TNRC6A: variants seen among roughly 807,000 people sequenced by gnomAD.
TNRC6A encodes trinucleotide repeat-containing gene 6A protein.
In TNRC6A, 44 loss-of-function variants were observed where a neutral mutation model predicts 221.2. That is an observed-to-expected ratio of 0.20 (90% CI 0.16 to 0.26). The LOEUF is 0.26. Ranked by LOEUF, TNRC6A falls within the 10% of genes least tolerant of loss-of-function variation. The pLI is 1.00. For missense variants in TNRC6A, 2,199 were observed against 2,404.4 expected (o/e 0.91, Z 1.79); for synonymous variants, 847 against 838.5 (o/e 1.01, Z -0.18).
chr16:24,820,143 A>G lies in TNRC6A; in HGVS notation c.5085A>G (p.Arg1695=). The G allele has an allele frequency of 6.2e-7, 1 of 1,614,150 alleles. No homozygotes were observed. The highest frequency in any genetic ancestry group is 8.5e-7 in the Non-Finnish European group (1 of 1,180,004). ...ATTTTTTCCCCCTTTGAGTAGCCAG[A>G]AATAGTGATTCCAAATTGACATGGT... The part of the protein sequence containing the change: ...LSSTAQSTSA[R]NSDSKLTWSP... Residue 1695 remains arginine, a synonymous_variant, in exon 22 of 25, where the codon AGA becomes AGG. Coordinates refer to ENST00000395799, the MANE Select transcript of TNRC6A (RefSeq NM_014494.4).
At chr16:24,730,136 TCCCCTC>T (rs1187944909) in intron 1 of TNRC6A, 111 bp from the exon 2 acceptor site, 1 of 468,922 alleles carries the variant, frequency 2.1e-6, no homozygotes, top group Non-Finnish European at 3.4e-6. Flanking sequence ...CCCCGTCCTC[TCCCCTC>T]CCCCATCCGG....
At chr16:24,724,178 A>G (rs919532690) in intron 2 of TNRC6A, among the ~76,000 whole-genome samples, 3 of 152,300 alleles carry the variant, frequency 2.0e-5, no homozygotes, top group Admixed American at 6.5e-5. Context: ...GGGGTATAGG[A>G]TATAATATGG....
intron 3 of TNRC6A, 58 bp from the exon 4 acceptor site, chr16:24,758,279 CAG>C: frequency 6.7e-7 from 1 of 1,498,712 alleles, no homozygotes; most frequent in Non-Finnish European, 9.3e-7. Context: ...TTTATCATAA[CAG>C]TCCATTTCTT....
intron 2 of TNRC6A, among the ~76,000 whole-genome samples, chr16:24,666,053 G>A (rs900460583): frequency 6.6e-6 from 1 of 152,186 alleles, no homozygotes; most frequent in African/African-American, 2.4e-5. Context: ...TGTGCCAGGA[G>A]CGGTGGATCA....
At chr16:24,667,561 G>T (rs2055198234) in intron 2 of TNRC6A, among the ~76,000 whole-genome samples, 1 of 152,154 alleles carries the variant, frequency 6.6e-6, no homozygotes, top group Non-Finnish European at 1.5e-5. Flanking sequence ...GAGGGGAGGA[G>T]AACTGTGGTC....
At chr16:24,697,427 G>C (rs556372017) in intron 2 of TNRC6A, among the ~76,000 whole-genome samples, 1 of 152,160 alleles carries the variant, frequency 6.6e-6, no homozygotes, top group Non-Finnish European at 1.5e-5. Context: ...GCTCACACCT[G>C]TAATCCCAGC....
intron 2 of TNRC6A, among the ~76,000 whole-genome samples, chr16:24,738,029 A>G (rs2056809215): frequency 6.6e-6 from 1 of 152,254 alleles, no homozygotes; most frequent in African/African-American, 2.4e-5. Flanking sequence ...TTACAAAGAT[A>G]GGGTCATAAA....
intron 8 of TNRC6A, among the ~76,000 whole-genome samples, chr16:24,795,419 C>T (rs1037417760): frequency 3.3e-5 from 5 of 152,178 alleles, no homozygotes; most frequent in Non-Finnish European, 7.3e-5. Context: ...AGAGGTGGCA[C>T]TGGGGGCTGC....
chr16:24,760,235 A>G (rs1280076667), intron 4 of TNRC6A, among the ~76,000 whole-genome samples: 1 of 152,154 alleles, frequency 6.6e-6, no homozygotes, highest in Admixed American at 6.5e-5. Context: ...GGTCTCTCCA[A>G]GTACCATTGA....
chr16:24,682,856 C>T (rs1315283559), intron 2 of TNRC6A, among the ~76,000 whole-genome samples: 3 of 152,168 alleles, frequency 2.0e-5, no homozygotes, highest in African/African-American at 7.2e-5. Flanking sequence ...GGGAGCCCAT[C>T]GAACAGTGTA....
Position 24,619,441 on chromosome 16 carries a change from TAG to T in TNRC6A, n.276+8960_276+8961del, listed in dbSNP as rs1210849895. Among the ~76,000 whole-genome samples, 8 of 152,300 alleles carry T rather than the reference TAG, an allele frequency of 5.3e-5. No individual in the cohort carries two copies. The East Asian group carries it at 1.5e-3, about 29-fold the overall frequency. ...GTTCATTGAGGCATAAGTCAATAAG[TAG>T]AGTCAACTAATGATAGAGCAGGGAA... On this transcript the variant is annotated intron_variant and non_coding_transcript_variant, in intron 1 of 2. Transcript: ENST00000566108.
intron 2 of TNRC6A, among the ~76,000 whole-genome samples, chr16:24,733,799 A>G (rs1299090393): frequency 6.6e-6 from 1 of 152,188 alleles, no homozygotes; most frequent in Non-Finnish European, 1.5e-5. Flanking sequence ...CTGGTCTGGG[A>G]TTACTAACCA....
rs548911304 is a variant in TNRC6A, at chr16:24,757,605, G to A, written c.142-734G>A. Among the ~76,000 whole-genome samples, 4 of 152,244 alleles carry A rather than the reference G, an allele frequency of 2.6e-5. No individual in the cohort carries two copies. In the South Asian group the frequency reaches 8.3e-4, roughly 32 times the overall value. ...TTGAAGCCCTTGGGAGTTTGAGCTA[G>A]TCACCTCGAGTTAACCCTGCTGTCC... On this transcript the variant is annotated intron_variant, in intron 3 of 24. Transcript: ENST00000395799.
rs2056363093 is a variant in TNRC6A, at chr16:24,718,973, G to T, written n.403-31753G>T. Among the ~76,000 whole-genome samples, 5 of 150,340 alleles carry T rather than the reference G, an allele frequency of 3.3e-5. 1 individual carries two copies. In the South Asian group the frequency reaches 1.1e-3, roughly 32 times the overall value. On this transcript the variant is annotated intron_variant and non_coding_transcript_variant, in intron 2 of 2. Transcript: ENST00000566108. ...AATTGCTTGAACCCAGGAGGCGGAGGTTGCAGTGAGCCGAGATCGCACCAC... is the reference window on the plus strand; with the variant it reads ...AATTGCTTGAACCCAGGAGGCGGAGTTTGCAGTGAGCCGAGATCGCACCAC...
At position 24,794,528 on chromosome 16, in the gene TNRC6A, A is replaced by G. The variant is rs757987308; in HGVS notation, c.3353-16A>G. On this transcript the variant is annotated splice_polypyrimidine_tract_variant and intron_variant, in intron 7 of 24. Coordinates refer to ENST00000395799, the MANE Select transcript of TNRC6A (RefSeq NM_014494.4). ...ATTAAAGTATGTTTCTCTTTATATC[A>G]CAAATCCACAATCAGGGCCAAAATC... is the stretch of plus-strand genomic sequence containing the variant. The G allele has an allele frequency of 1.2e-6, 2 of 1,601,228 alleles. No homozygotes were observed. The highest frequency in any genetic ancestry group is 2.2e-5 in the East Asian group (1 of 44,730).
intron 2 of TNRC6A, among the ~76,000 whole-genome samples, chr16:24,691,154 G>C (rs1008847660): frequency 2.1e-4 from 32 of 151,964 alleles, no homozygotes. Context: ...GAAATATAAG[G>C]TCTTTGGAGG....
Position 24,763,211 on chromosome 16 carries a change from C to T in TNRC6A, c.163+4851C>T, listed in dbSNP as rs776362190. 7.1e-4 allele frequency among the ~76,000 whole-genome samples: 108 copies of T among 151,876 alleles called. 1 individual carries two copies. Among genetic ancestry groups the T allele is most frequent in the Non-Finnish European group, 5.7e-4 (39 of 67,924 alleles). On this transcript the variant is annotated intron_variant, in intron 4 of 24. Coordinates refer to ENST00000395799, the MANE Select transcript of TNRC6A (RefSeq NM_014494.4). Reference sequence around the variant, plus strand: ...CCTTCTGTGGAGCAAAACCAGAGTACTAAATTACGTTCAAAGTGTTTTTTT... The same window carrying T: ...CCTTCTGTGGAGCAAAACCAGAGTATTAAATTACGTTCAAAGTGTTTTTTT...
chr16:24,656,412 A>G (rs2054913981), intron 2 of TNRC6A, among the ~76,000 whole-genome samples: 1 of 149,434 alleles, frequency 6.7e-6, no homozygotes, highest in Non-Finnish European at 1.5e-5. Flanking sequence ...GGTTGCAGTG[A>G]GCCAAGATCG....
intron 2 of TNRC6A, among the ~76,000 whole-genome samples, chr16:24,704,619 C>T (rs2056056184): frequency 7.9e-6 from 1 of 125,956 alleles, no homozygotes; most frequent in African/African-American, 3.0e-5. Flanking sequence ...GAGCCAACAT[C>T]ACACCACAGC....
Sources: gnomAD v4.1 joint callset for allele counts (sites outside exome capture counted in the v4.1 genomes callset) on GRCh38, gnomAD v4.1.1 for gene constraint, MANE v1.5 for transcripts, NCBI Gene and HGNC (gene_info 2026-07-23, HGNC 2026-07-21) for gene names.